TXNRD1: variants seen among roughly 807,000 people sequenced by gnomAD.
The protein encoded by TXNRD1 is thioredoxin reductase 1, also known as thioredoxin reductase 1, cytoplasmic.
In TXNRD1, 57 loss-of-function variants were observed where a neutral mutation model predicts 80.3. That is an observed-to-expected ratio of 0.71 (90% CI 0.57 to 0.89). The LOEUF (loss-of-function observed/expected upper bound fraction) is 0.89, where lower values mean the gene tolerates loss of function less well. Ranked by LOEUF, TXNRD1 falls within the 40% of genes least tolerant of loss-of-function variation. TXNRD1 has a pLI of 0.00. For missense variants in TXNRD1, 730 were observed against 803.0 expected (o/e 0.91, Z 1.10); for synonymous variants, 291 against 285.2 (o/e 1.02, Z -0.20).
At chr12:104,237,451 C>A (rs1352527327) in intron 1 of TXNRD1, among the ~76,000 whole-genome samples, 3 of 152,150 alleles carry the variant, frequency 2.0e-5, no homozygotes, top group Non-Finnish European at 4.4e-5. Flanking sequence ...ATAGTATCTT[C>A]CTCCTTTTGG....
intron 5 of TXNRD1, 66 bp downstream of exon 5, chr12:104,311,478 C>A: frequency 6.4e-7 from 1 of 1,567,886 alleles, no homozygotes. Context: ...ACATCCCTGA[C>A]AGGGTTCTCT....
At chr12:104,295,960 G>A (rs1369658291) in intron 4 of TXNRD1, among the ~76,000 whole-genome samples, 1 of 152,190 alleles carries the variant, frequency 6.6e-6, no homozygotes, top group Admixed American at 6.5e-5. Flanking sequence ...TCTAAATGTT[G>A]TTAATACTTA....
chr12:104,228,457 C>A (rs754418926), intron 1 of TXNRD1, among the ~76,000 whole-genome samples: 28 of 151,936 alleles, frequency 1.8e-4, no homozygotes, highest in South Asian at 4.2e-4. Context: ...CATGGAGAAA[C>A]CCCGTCTCTA....
intron 2 of TXNRD1, among the ~76,000 whole-genome samples, chr12:104,256,032 T>C (rs2135708997): frequency 1.3e-5 from 2 of 152,372 alleles, no homozygotes; most frequent in Middle Eastern, 6.8e-3. Context: ...GTACAACTCA[T>C]ATACTTAGCT....
rs1255669736 is a variant in TXNRD1, at chr12:104,258,827, G to A, written c.304+748G>A. On this transcript the variant is annotated intron_variant, in intron 3 of 16. Coordinates refer to ENST00000525566, the MANE Select transcript of TXNRD1 (RefSeq NM_001093771.3). Reference sequence around the variant, plus strand: ...AGCCCATAGTTCTAGCTACTCAGGAGGCTGAGGCAGGAGGTTTGCTTGAGC... The same window carrying A: ...AGCCCATAGTTCTAGCTACTCAGGAAGCTGAGGCAGGAGGTTTGCTTGAGC... 2.6e-5 allele frequency among the ~76,000 whole-genome samples: 4 copies of A among 152,306 alleles called. No homozygotes were observed. In the East Asian group the frequency reaches 7.7e-4, roughly 29 times the overall value.
chr12:104,304,252 G>C, intron 4 of TXNRD1: 1 of 1,614,058 alleles, frequency 6.2e-7, no homozygotes. Flanking sequence ...AGGCAAAGCA[G>C]TTAAACTCAG....
chr12:104,336,918 T>TCTCTGGTCATTTTCTTTTTTTGAGATGG (rs1344151217), intron 15 of TXNRD1, among the ~76,000 whole-genome samples: 33 of 148,392 alleles, frequency 2.2e-4, no homozygotes, highest in Non-Finnish European at 3.7e-4. Context: ...TCACACAATG[T>TCTCTGGTCATTTTCTTTTTTTGAGATGG]AGATACCATG....
intron 3 of TXNRD1, among the ~76,000 whole-genome samples, chr12:104,260,542 C>A (rs1248656747): frequency 6.6e-6 from 1 of 152,144 alleles, no homozygotes; most frequent in South Asian, 2.1e-4. Context: ...AATACTGGAT[C>A]TATAATTTGA....
intron 11 of TXNRD1, 85 bp from the exon 12 acceptor site, chr12:104,326,262 G>A (rs560910224): frequency 7.9e-6 from 7 of 887,554 alleles, no homozygotes; most frequent in Non-Finnish European, 1.2e-5. Context: ...AATCAGATTA[G>A]CTTAATAAGC....
At chr12:104,246,119 C>CAAAAA (rs34505052) in intron 1 of TXNRD1, among the ~76,000 whole-genome samples, 1 of 82,848 alleles carries the variant, frequency 1.2e-5, no homozygotes, top group Non-Finnish European at 2.2e-5. Flanking sequence ...GACTCTGTCT[C>CAAAAA]AAAAAAAAAA....
chr12:104,242,308 G>C (rs1403845277), intron 1 of TXNRD1, among the ~76,000 whole-genome samples: 1 of 151,752 alleles, frequency 6.6e-6, no homozygotes, highest in Admixed American at 6.6e-5. Flanking sequence ...CCAGCACTTT[G>C]GGAGGCCAAG....
intron 14 of TXNRD1, among the ~76,000 whole-genome samples, chr12:104,333,847 T>C (rs978347314): frequency 8.5e-5 from 13 of 152,222 alleles, no homozygotes; most frequent in Non-Finnish European, 1.8e-4. Context: ...TAATTGATCC[T>C]GGCACCTTAT....
chr12:104,265,446 C>T lies in TXNRD1; in HGVS notation c.304+7367C>T, dbSNP rs896082426. On this transcript the variant is annotated intron_variant, in intron 3 of 16. Coordinates refer to ENST00000525566, the MANE Select transcript of TXNRD1 (RefSeq NM_001093771.3). Reference sequence around the variant, plus strand: ...TCGTCGCCAAGTCCCGCTTCTGGTACTTTGTATCTCAGTTAAAGAAGATGA... The same window carrying T: ...TCGTCGCCAAGTCCCGCTTCTGGTATTTTGTATCTCAGTTAAAGAAGATGA... The T allele has an allele frequency of 8.7e-6, 14 of 1,604,620 alleles. No homozygotes were observed. In the East Asian group the frequency reaches 1.6e-4, roughly 18 times the overall value.
At chr12:104,251,957 G>A (rs1050530465) in intron 2 of TXNRD1, among the ~76,000 whole-genome samples, 3 of 151,646 alleles carry the variant, frequency 2.0e-5, no homozygotes, top group Non-Finnish European at 1.5e-5. Flanking sequence ...GCAGCTACTC[G>A]GGAGGCTGAG....
intron 3 of TXNRD1, among the ~76,000 whole-genome samples, chr12:104,266,806 C>CA (rs888871969): frequency 5.9e-4 from 90 of 151,982 alleles, no homozygotes; most frequent in African/African-American, 2.1e-3. Context: ...ACTAAAAACA[C>CA]AAAAAATTAG....
chr12:104,285,632 G>A (rs867612796), intron 3 of TXNRD1, among the ~76,000 whole-genome samples: 1 of 152,278 alleles, frequency 6.6e-6, no homozygotes, highest in African/African-American at 2.4e-5. Context: ...CCTAAGTCAT[G>A]CTTTTGAAAT....
intron 8 of TXNRD1, 40 bp downstream of exon 8, chr12:104,319,095 T>G (rs771363987): frequency 2.6e-5 from 40 of 1,566,520 alleles, no homozygotes; most frequent in Non-Finnish European, 3.4e-5. Context: ...TTTTTTTCTT[T>G]TTTCTCTTTT....
At chr12:104,305,060 A>G (rs2034840929) in intron 4 of TXNRD1, 6 of 1,036,420 alleles carry the variant, frequency 5.8e-6, no homozygotes, top group Non-Finnish European at 8.1e-6. Context: ...AACATCAGAC[A>G]TTGTTTTACT....
At chr12:104,333,772 G>A (rs2036041980) in intron 14 of TXNRD1, among the ~76,000 whole-genome samples, 1 of 151,378 alleles carries the variant, frequency 6.6e-6, no homozygotes, top group Non-Finnish European at 1.5e-5. Context: ...ATTGCTTTTA[G>A]TGAATAATGC....
Sources: allele counts gnomAD v4.1 joint callset (sites outside exome capture counted in the v4.1 genomes callset), GRCh38; gene constraint gnomAD v4.1.1; transcripts MANE v1.5; gene names NCBI Gene and HGNC (gene_info 2026-07-23, HGNC 2026-07-21).